The following UST variants were observed in gnomAD, a reference collection of about 807,000 sequenced individuals.
The protein encoded by UST is uronyl 2-sulfotransferase.
A neutral mutation model predicts 45.6 loss-of-function variants in UST; 21 were observed. The observed-to-expected ratio is 0.46, with a 90% CI of 0.33 to 0.66. The LOEUF is 0.66. Ranked by LOEUF, UST falls within the 30% of genes least tolerant of loss-of-function variation. UST has a pLI of 0.02. For missense variants in UST, 463 were observed against 512.4 expected (o/e 0.90, Z 0.93); for synonymous variants, 215 against 200.6 (o/e 1.07, Z -0.61).
chr6:148,985,019 G>C (rs1429358022), intron 5 of UST, among the ~76,000 whole-genome samples: 2 of 152,226 alleles, frequency 1.3e-5, no homozygotes, highest in Non-Finnish European at 2.9e-5. Flanking sequence ...TAGGTTTCTA[G>C]TTGGAGTAAG....
chr6:148,760,720 AC>A (rs2114656467), intron 1 of UST, among the ~76,000 whole-genome samples: 1 of 152,130 alleles, frequency 6.6e-6, no homozygotes, highest in South Asian at 2.1e-4. Context: ...ACAAAACAAA[AC>A]AAAACAAAAC....
intron 1 of UST, among the ~76,000 whole-genome samples, chr6:148,885,380 T>A (rs114895041): frequency 0.012 from 1,815 of 152,254 alleles, 45 homozygotes; most frequent in African/African-American, 0.041. Flanking sequence ...CAGGCAGCTA[T>A]TTTTCTGAAT....
rs148190127 is a variant in UST at position 149,013,418 on chromosome 6, C to T, written c.682-5721C>T. 5.8e-3 allele frequency among the ~76,000 whole-genome samples: 876 copies of T among 151,876 alleles called. 9 individuals carry two copies. Among genetic ancestry groups the T allele is most frequent in the African/African-American group, 0.02 (831 of 41,404 alleles). ...GTGGCTGCCTGTAATCCCAACTACT[C>T]GGGAGGCTGAGGCAGAAAAATCATT... On this transcript the variant is annotated intron_variant, in intron 5 of 7. Transcript: ENST00000367463.
At chr6:148,812,116 A>G (rs1777269180) in intron 1 of UST, among the ~76,000 whole-genome samples, 1 of 152,182 alleles carries the variant, frequency 6.6e-6, no homozygotes, top group African/African-American at 2.4e-5. Flanking sequence ...GAAATGATTA[A>G]GGGTAGCTAT....
Position 148,810,611 on chromosome 6 carries a change from G to A in UST, c.247+62934G>A, listed in dbSNP as rs73602916. On this transcript the variant is annotated intron_variant, in intron 1 of 7. Coordinates refer to ENST00000367463, the MANE Select transcript of UST (RefSeq NM_005715.3). ...TTGATGCCCATCTGCTAAGCAATGT[G>A]GGGTCAAAATAAGTACCAGGGTAGT... Among the ~76,000 whole-genome samples the A allele has an allele frequency of 4.4e-3, 669 of 152,254 alleles. 6 individuals are homozygous for A. The highest frequency in any genetic ancestry group is 0.016 in the African/African-American group (653 of 41,540).
chr6:148,898,497 A>T (rs865962688), intron 2 of UST, among the ~76,000 whole-genome samples: 1 of 152,154 alleles, frequency 6.6e-6, no homozygotes, highest in Non-Finnish European at 1.5e-5. Context: ...TAAACCATTT[A>T]TGTGGAAGTG....
intron 4 of UST, among the ~76,000 whole-genome samples, chr6:148,956,369 T>C (rs1239917374): frequency 1.4e-5 from 1 of 70,834 alleles, no homozygotes; most frequent in African/African-American, 5.8e-5. Context: ...ACTTCTTACA[T>C]GGTGGCGGCA....
chr6:148,915,029 G>C (rs1779558021), intron 2 of UST, among the ~76,000 whole-genome samples: 1 of 152,050 alleles, frequency 6.6e-6, no homozygotes, highest in Non-Finnish European at 1.5e-5. Flanking sequence ...CTTCTCACAT[G>C]GTGGAGGGGG....
chr6:149,021,196 G>C, intron 6 of UST, 128 bp from the exon 7 acceptor site: 1 of 1,054,674 alleles, frequency 9.5e-7, no homozygotes. Context: ...ATCTGGGCTG[G>C]TCCTTGAGGG....
intron 7 of UST, among the ~76,000 whole-genome samples, chr6:149,042,961 T>TTC (rs1224770241): frequency 3.2e-5 from 2 of 61,902 alleles, no homozygotes; most frequent in African/African-American, 9.1e-5. Flanking sequence ...ATCCTTTTCT[T>TTC]TCTTTCTTTC....
intron 1 of UST, among the ~76,000 whole-genome samples, chr6:148,749,894 C>T (rs114900957): frequency 6.1e-4 from 93 of 152,202 alleles, no homozygotes; most frequent in African/African-American, 2.1e-3. Context: ...AAATAGAATA[C>T]CCTTGGCCAA....
chr6:148,915,614 G>A (rs1779573696), intron 2 of UST, among the ~76,000 whole-genome samples: 1 of 152,172 alleles, frequency 6.6e-6, no homozygotes, highest in Non-Finnish European at 1.5e-5. Flanking sequence ...AAAGACTTTG[G>A]GCAGCCACAA....
chr6:148,838,470 T>A (rs1392875398), intron 1 of UST, among the ~76,000 whole-genome samples: 2 of 152,294 alleles, frequency 1.3e-5, no homozygotes, highest in East Asian at 3.9e-4. Flanking sequence ...AGACCATGAT[T>A]CAGGAAGCCT....
Position 148,842,993 on chromosome 6 carries a change from A to G in UST, c.248-43993A>G, listed in dbSNP as rs184902530. ...TTATTGCCAGAAATGAAATTTTGCAACCCTAAATTTGAATGTGGTCTAGGC... is the reference window on the plus strand; with the variant it reads ...TTATTGCCAGAAATGAAATTTTGCAGCCCTAAATTTGAATGTGGTCTAGGC... On this transcript the variant is annotated intron_variant, in intron 1 of 7. Transcript: ENST00000367463. Among the ~76,000 whole-genome samples, 371 of 152,306 alleles carry G rather than the reference A, an allele frequency of 2.4e-3. 1 individual carries two copies. Among genetic ancestry groups the G allele is most frequent in the African/African-American group, 8.8e-3 (364 of 41,566 alleles).
chr6:149,041,866 C>T (rs1341797118), intron 7 of UST, among the ~76,000 whole-genome samples: 2 of 152,244 alleles, frequency 1.3e-5, no homozygotes, highest in Admixed American at 6.5e-5. Context: ...GCCCACTCCC[C>T]GAGGACCCTA....
chr6:149,018,089 T>A (rs968681832), intron 5 of UST, among the ~76,000 whole-genome samples: 3 of 152,192 alleles, frequency 2.0e-5, no homozygotes, highest in Non-Finnish European at 2.9e-5. Context: ...TTGAATTTGT[T>A]ATTGTAATTG....
intron 5 of UST, among the ~76,000 whole-genome samples, chr6:149,013,554 T>A (rs1365665416): frequency 6.6e-6 from 1 of 151,544 alleles, no homozygotes; most frequent in Non-Finnish European, 1.5e-5. Context: ...AAAAAGTTGG[T>A]ACCAGGTACG....
intron 2 of UST, among the ~76,000 whole-genome samples, chr6:148,903,816 G>A (rs947979843): frequency 6.6e-6 from 1 of 152,148 alleles, no homozygotes; most frequent in Non-Finnish European, 1.5e-5. Flanking sequence ...GTAATGTAGG[G>A]GCTTCCTCCC....
intron 1 of UST, among the ~76,000 whole-genome samples, chr6:148,828,096 G>A (rs1777607896): frequency 6.6e-6 from 1 of 151,962 alleles, no homozygotes; most frequent in Non-Finnish European, 1.5e-5. Flanking sequence ...TTTGACAGAA[G>A]TCAAATATGT....
Sources: gnomAD v4.1 joint callset for allele counts (sites outside exome capture counted in the v4.1 genomes callset) on GRCh38, gnomAD v4.1.1 for gene constraint, MANE v1.5 for transcripts, NCBI Gene and HGNC (gene_info 2026-07-23, HGNC 2026-07-21) for gene names.